PRKG1: variants seen among roughly 807,000 people sequenced by gnomAD.
PRKG1 encodes protein kinase cGMP-dependent 1.
Under a neutral mutation model 88.1 loss-of-function variants are expected in PRKG1, and 35 were observed. The ratio of observed to expected loss-of-function variants is 0.40; its 90% CI spans 0.30 to 0.53. The LOEUF (loss-of-function observed/expected upper bound fraction) is 0.53, where lower values mean the gene tolerates loss of function less well. Among genes scored for constraint, PRKG1 ranks in the 20% least tolerant of loss-of-function variants. The pLI is 0.59. For missense variants in PRKG1, 540 were observed against 839.8 expected (o/e 0.64, Z 4.41); for synonymous variants, 303 against 292.5 (o/e 1.04, Z -0.37).
chr10:51,828,927 G>C (rs114935429), intron 4 of PRKG1, among the ~76,000 whole-genome samples: 2 of 152,158 alleles, frequency 1.3e-5, no homozygotes, highest in Non-Finnish European at 1.5e-5. Context: ...ACACCAAAAC[G>C]TACTGGTTTA....
intron 3 of PRKG1, among the ~76,000 whole-genome samples, chr10:51,495,758 G>A (rs1360261608): frequency 6.6e-6 from 1 of 152,168 alleles, no homozygotes; most frequent in Admixed American, 6.5e-5. Context: ...CAGTAAGGAG[G>A]TAAATGTATA....
intron 3 of PRKG1, among the ~76,000 whole-genome samples, chr10:51,558,965 A>T (rs998258336): frequency 6.6e-6 from 1 of 152,132 alleles, no homozygotes; most frequent in African/African-American, 2.4e-5. Context: ...TTGTATCAAC[A>T]GTGCAGTAAG....
chr10:51,567,208 T>G (rs770090355), intron 3 of PRKG1, among the ~76,000 whole-genome samples: 28 of 152,034 alleles, frequency 1.8e-4, no homozygotes, highest in Non-Finnish European at 3.2e-4. Flanking sequence ...TGCCTCTCCC[T>G]ACTCACTTTA....
At chr10:51,285,733 C>A (rs1840422828) in intron 2 of PRKG1, among the ~76,000 whole-genome samples, 1 of 152,106 alleles carries the variant, frequency 6.6e-6, no homozygotes, top group African/African-American at 2.4e-5. Context: ...AGAAAAGTTA[C>A]CACTAGCAGT....
At chr10:51,973,136 A>C (rs1279370929) in intron 5 of PRKG1, among the ~76,000 whole-genome samples, 3 of 152,100 alleles carry the variant, frequency 2.0e-5, no homozygotes, top group Admixed American at 2.0e-4. Context: ...GTGCAGGCTG[A>C]TCCTGTCACA....
intron 2 of PRKG1, among the ~76,000 whole-genome samples, chr10:51,452,830 C>G (rs1564502806): frequency 6.6e-6 from 1 of 151,904 alleles, no homozygotes. Context: ...AGGACTTCCT[C>G]TTTCTATATG....
intron 3 of PRKG1, among the ~76,000 whole-genome samples, chr10:51,506,947 T>C (rs1198598140): frequency 6.6e-6 from 1 of 152,152 alleles, no homozygotes; most frequent in Non-Finnish European, 1.5e-5. Context: ...ATGACACATA[T>C]TCACCATGGA....
intron 3 of PRKG1, among the ~76,000 whole-genome samples, chr10:51,599,654 T>C (rs1432091390): frequency 1.3e-5 from 2 of 152,158 alleles, no homozygotes; most frequent in South Asian, 2.1e-4. Context: ...CCAGTCCTGA[T>C]TAAAACCAGG....
intron 1 of PRKG1, among the ~76,000 whole-genome samples, chr10:51,147,137 A>C (rs1376017505): frequency 6.6e-6 from 1 of 152,190 alleles, no homozygotes; most frequent in Non-Finnish European, 1.5e-5. Context: ...TGCAAAGAGT[A>C]GGGATGAGGG....
chr10:51,755,600 T>C (rs1837839476), intron 3 of PRKG1, among the ~76,000 whole-genome samples: 1 of 152,212 alleles, frequency 6.6e-6, no homozygotes, highest in South Asian at 2.1e-4. Flanking sequence ...TTTGATAGAA[T>C]TGTAAACCAA....
chr10:51,800,111 T>C (rs1839127850), intron 3 of PRKG1, among the ~76,000 whole-genome samples: 1 of 152,102 alleles, frequency 6.6e-6, no homozygotes, highest in Non-Finnish European at 1.5e-5. Flanking sequence ...TTTCTATTGG[T>C]AACAAATCAT....
At chr10:52,222,318 T>A (rs1286520067) in intron 9 of PRKG1, among the ~76,000 whole-genome samples, 1 of 152,116 alleles carries the variant, frequency 6.6e-6, no homozygotes, top group Non-Finnish European at 1.5e-5. Flanking sequence ...AGAGGGATGG[T>A]TTTTAGTCTT....
chr10:51,604,702 G>T (rs571562459), intron 3 of PRKG1, among the ~76,000 whole-genome samples: 1 of 152,124 alleles, frequency 6.6e-6, no homozygotes, highest in Non-Finnish European at 1.5e-5. Context: ...TCACTTCTTC[G>T]GTGCCCACTG....
intron 2 of PRKG1, among the ~76,000 whole-genome samples, chr10:51,220,458 A>G (rs191203629): frequency 5.4e-4 from 82 of 152,316 alleles, no homozygotes; most frequent in African/African-American, 1.7e-3. Context: ...AGAAACAAAG[A>G]CCAAAAGGCT....
chr10:52,043,850 G>GA (rs1845803948), intron 5 of PRKG1, among the ~76,000 whole-genome samples: 2 of 146,808 alleles, frequency 1.4e-5, no homozygotes, highest in Admixed American at 6.8e-5. Context: ...AAAAATTTTG[G>GA]AAAAAAAAAC....
intron 2 of PRKG1, among the ~76,000 whole-genome samples, chr10:51,201,885 T>C (rs1000939044): frequency 5.9e-5 from 9 of 152,266 alleles, no homozygotes; most frequent in African/African-American, 2.2e-4. Flanking sequence ...CAGTACTTTG[T>C]TATAATACCC....
chr10:51,006,588 T>C (rs1216760494), intron 1 of PRKG1, among the ~76,000 whole-genome samples: 1 of 152,242 alleles, frequency 6.6e-6, no homozygotes. Flanking sequence ...TCTGACCCTA[T>C]TTTCGGAGTA....
intron 1 of PRKG1, among the ~76,000 whole-genome samples, chr10:51,093,783 G>A (rs57114858): frequency 0.5 from 67,491 of 133,966 alleles, 18,050 homozygotes; most frequent in South Asian, 0.68. Flanking sequence ...ACATATATAT[G>A]TATTTTATAT....
intron 1 of PRKG1, among the ~76,000 whole-genome samples, chr10:51,047,282 T>C (rs976617000): frequency 6.6e-6 from 1 of 152,208 alleles, no homozygotes; most frequent in Non-Finnish European, 1.5e-5. Context: ...ACCACTTACT[T>C]TGACCTTAAA....
Sources: gnomAD v4.1 joint callset for allele counts (sites outside exome capture counted in the v4.1 genomes callset) on GRCh38, gnomAD v4.1.1 for gene constraint, MANE v1.5 for transcripts, NCBI Gene and HGNC (gene_info 2026-07-23, HGNC 2026-07-21) for gene names.